PDE6B: variants seen among roughly 807,000 people sequenced by gnomAD.
PDE6B encodes the protein rod cGMP-specific 3',5'-cyclic phosphodiesterase subunit beta.
Under a neutral mutation model 109.0 loss-of-function variants are expected in PDE6B, and 106 were observed. That is an observed-to-expected ratio of 0.97 (90% CI 0.83 to 1.14). The LOEUF (loss-of-function observed/expected upper bound fraction) is 1.14, where lower values mean the gene tolerates loss of function less well. Among genes scored for constraint, PDE6B ranks in the 50% most tolerant of loss-of-function variants. The pLI is 0.00. For missense variants in PDE6B, 1,193 were observed against 1,155.6 expected (o/e 1.03, Z -0.47); for synonymous variants, 490 against 471.3 (o/e 1.04, Z -0.51).
chr4:656,137 C>T (rs1160083103), intron 7 of PDE6B, 108 bp from the exon 8 acceptor site: 1 of 1,002,554 alleles, frequency 1.0e-6, no homozygotes, highest in African/African-American at 1.6e-5. Context: ...CCCCCAGCTG[C>T]CCTGCTTTAC....
intron 3 of PDE6B, among the ~76,000 whole-genome samples, chr4:645,013 A>G (rs1204066506): frequency 1.3e-5 from 2 of 151,968 alleles, no homozygotes; most frequent in African/African-American, 4.8e-5. Flanking sequence ...AATGATTTTT[A>G]TGTCTTCATA....
chr4:654,440 C>T, intron 5 of PDE6B: 1 of 615,678 alleles, frequency 1.6e-6, no homozygotes, highest in South Asian at 1.8e-5. Context: ...CCACGTGGGA[C>T]CTCCTGTGCA....
At chr4:630,386 G>T (rs1423266795) in intron 1 of PDE6B, among the ~76,000 whole-genome samples, 1 of 152,172 alleles carries the variant, frequency 6.6e-6, no homozygotes, top group Non-Finnish European at 1.5e-5. Flanking sequence ...GGCCCGGCTG[G>T]TACCGAGTGC....
intron 3 of PDE6B, among the ~76,000 whole-genome samples, chr4:646,483 C>G (rs1450440848): frequency 6.6e-6 from 1 of 151,980 alleles, no homozygotes; most frequent in Non-Finnish European, 1.5e-5. Context: ...ACTGAGCATC[C>G]TAGACGCGCG....
At position 647,173 on chromosome 4, in the gene PDE6B, T is replaced by C. The variant is rs116017464; in HGVS notation, c.712-6679T>C. On this transcript the variant is annotated intron_variant, in intron 3 of 21. Coordinates refer to ENST00000496514, the MANE Select transcript of PDE6B (RefSeq NM_000283.4). ...TCGCCTGGCCTGATCATAGTAATTTTAAATTCCCAGTCTGATAATTCCCAA... is the reference window on the plus strand; with the variant it reads ...TCGCCTGGCCTGATCATAGTAATTTCAAATTCCCAGTCTGATAATTCCCAA... Among the ~76,000 whole-genome samples the C allele has an allele frequency of 2.8e-3, 426 of 152,170 alleles. 14 individuals are homozygous for C. Among genetic ancestry groups the C allele is most frequent in the African/African-American group, 9.1e-3 (378 of 41,444 alleles).
rs1734131596 is a variant in PDE6B at position 626,833 on chromosome 4, G to C, written c.468+739G>C. On this transcript the variant is annotated intron_variant, in intron 1 of 21. Coordinates refer to ENST00000496514, the MANE Select transcript of PDE6B (RefSeq NM_000283.4). This position sits in a 1 kb window ranked among gnomAD's most constrained non-coding sequence, Gnocchi z 4.6. Reference sequence around the variant, plus strand: ...CCTGGCGGGACTGGAGAACAAGAGGGGTGTGAGGTGCCTGCCAGACTGGGT... The same window carrying C: ...CCTGGCGGGACTGGAGAACAAGAGGCGTGTGAGGTGCCTGCCAGACTGGGT... 6.6e-6 allele frequency among the ~76,000 whole-genome samples: 1 copy of C among 152,216 alleles called. No homozygotes were observed. The highest frequency in any genetic ancestry group is 2.4e-5 in the African/African-American group (1 of 41,464).
chr4:634,505 A>T (rs1336942160), intron 1 of PDE6B, among the ~76,000 whole-genome samples, 172 bp from the exon 2 acceptor site: 3 of 152,138 alleles, frequency 2.0e-5, no homozygotes, highest in Non-Finnish European at 4.4e-5. Flanking sequence ...AGCCACAGGG[A>T]CAGGCCCAGC....
chr4:664,627 C>T (rs764069446), intron 17 of PDE6B, among the ~76,000 whole-genome samples: 13 of 152,084 alleles, frequency 8.5e-5, no homozygotes, highest in Non-Finnish European at 1.6e-4. Flanking sequence ...ATCAGCCTGG[C>T]CAACATGGTG....
chr4:646,271 CA>C (rs1735194691), intron 3 of PDE6B, among the ~76,000 whole-genome samples: 1 of 151,972 alleles, frequency 6.6e-6, no homozygotes, highest in Admixed American at 6.5e-5. Flanking sequence ...TAAGTTAGCA[CA>C]TTTTTTTCTC....
rs200993710 is a variant in PDE6B at position 656,031 on chromosome 4, C to A, written c.1059+25C>A. ...TGTGAGTCCCGTGCTGTCTGGAGTC[C>A]CCACAGCCTTGCCCTCACTGGGTGC... On this transcript the variant is annotated intron_variant, in intron 7 of 21. Transcript: ENST00000496514. The A allele has an allele frequency of 1.4e-4, 202 of 1,484,932 alleles. 1 individual carries two copies. In the African/African-American group the frequency reaches 2.2e-3, roughly 16 times the overall value. 92.0% of individuals were successfully genotyped at this position (1,484,932 alleles called of 1,614,324 possible). A position where few individuals can be genotyped will look rare whatever the true frequency, so the allele number is the denominator to read the frequency against.
rs1157614814 is a variant in PDE6B at position 662,627 on chromosome 4, C to G, written c.1832+9C>G. Reference sequence around the variant, plus strand: ...AACCTGTACCAGATGAAGTAGGCACCTCAGGGCGGGCATGTGAATTAGCCC... The same window carrying G: ...AACCTGTACCAGATGAAGTAGGCACGTCAGGGCGGGCATGTGAATTAGCCC... On this transcript the variant is annotated intron_variant, in intron 14 of 21. Coordinates refer to ENST00000496514, the MANE Select transcript of PDE6B (RefSeq NM_000283.4). The surrounding 1 kb of genome is among the most constrained non-coding windows in gnomAD (Gnocchi z 4.3). 18 of 1,531,430 alleles carry G rather than the reference C, an allele frequency of 1.2e-5. No individual in the cohort carries two copies. The highest frequency in any genetic ancestry group is 2.7e-5 in the African/African-American group (2 of 73,374). 94.9% of individuals were successfully genotyped at this position (1,531,430 alleles called of 1,614,324 possible).
intron 10 of PDE6B, among the ~76,000 whole-genome samples, chr4:658,691 C>T (rs570147627): frequency 1.3e-5 from 2 of 152,256 alleles, no homozygotes; most frequent in East Asian, 3.9e-4. Flanking sequence ...ATGGCCAGAG[C>T]CCTCCTGGTC....
At position 665,229 on chromosome 4, in the gene PDE6B, A is replaced by G; in HGVS notation, c.2194-26A>G. On this transcript the variant is annotated intron_variant, in intron 18 of 21. Transcript: ENST00000496514. The surrounding 1 kb of genome is among the most constrained non-coding windows in gnomAD (Gnocchi z 4.0). ...CTTCCGCGTGGGCTCAGAGCTCCAC[A>G]GACAGCTGCCTTCCTGTGCCTCCAG... The G allele has an allele frequency of 6.3e-7, 1 of 1,584,144 alleles. No homozygotes were observed.
At chr4:641,192 T>C (rs750347752) in intron 3 of PDE6B, among the ~76,000 whole-genome samples, 1 of 152,254 alleles carries the variant, frequency 6.6e-6, no homozygotes, top group Non-Finnish European at 1.5e-5. Context: ...TTCATTTATT[T>C]AGATCTTTGA....
At chr4:656,039 C>A (rs752229962) in intron 7 of PDE6B, 33 bp downstream of exon 7, 3 of 1,381,646 alleles carry the variant, frequency 2.2e-6, no homozygotes, top group East Asian at 2.3e-5. Context: ...TCCCCACAGC[C>A]TTGCCCTCAC....
intron 3 of PDE6B, among the ~76,000 whole-genome samples, chr4:638,624 G>A (rs1303013360): frequency 6.6e-6 from 1 of 152,124 alleles, no homozygotes; most frequent in Non-Finnish European, 1.5e-5. Flanking sequence ...CACCCAACCA[G>A]AGTTTTTAAA....
intron 10 of PDE6B, among the ~76,000 whole-genome samples, chr4:657,799 ACC>A: frequency 7.9e-6 from 1 of 126,178 alleles, no homozygotes; most frequent in African/African-American, 3.1e-5. Flanking sequence ...TCCAGGGCTC[ACC>A]CAGGGGTCAT....
At chr4:627,816 A>G (rs1344505807) in intron 1 of PDE6B, among the ~76,000 whole-genome samples, 2 of 149,422 alleles carry the variant, frequency 1.3e-5, no homozygotes, top group East Asian at 2.0e-4. Context: ...TCTTGCCCCC[A>G]GGAGTTTGTC....
chr4:663,577 A>G lies in PDE6B; in HGVS notation c.1921-193A>G, dbSNP rs9985747. On this transcript the variant is annotated intron_variant, in intron 15 of 21. Transcript: ENST00000496514. The surrounding 1 kb of genome is among the most constrained non-coding windows in gnomAD (Gnocchi z 4.0). ...AGGCCATCTGCGTCCCAAGCCGACGATGGAGCCGCTGGTGGAGAGCTGGGC... is the reference window on the plus strand; with the variant it reads ...AGGCCATCTGCGTCCCAAGCCGACGGTGGAGCCGCTGGTGGAGAGCTGGGC... The G allele has an allele frequency of 0.13, 81,144 of 626,560 alleles. 6,140 individuals are homozygous for G. The highest frequency in any genetic ancestry group is 0.25 in the African/African-American group (13,702 of 54,696). 38.8% of individuals were successfully genotyped at this position (626,560 alleles called of 1,614,324 possible).
Sources: allele counts gnomAD v4.1 joint callset (sites outside exome capture counted in the v4.1 genomes callset), GRCh38; gene constraint gnomAD v4.1.1; non-coding constraint Gnocchi (gnomAD v3.1); transcripts MANE v1.5; gene names NCBI Gene and HGNC (gene_info 2026-07-23, HGNC 2026-07-21).